Variants in EPM2A observed in about 807,000 individuals in gnomAD.
The protein encoded by EPM2A is laforin.
A neutral mutation model predicts 26.5 loss-of-function variants in EPM2A; 21 were observed. The ratio of observed to expected loss-of-function variants is 0.79; its 90% CI spans 0.56 to 1.14. The LOEUF is 1.14. EPM2A is among the 50% of genes most tolerant of loss of function. The pLI, the probability that EPM2A is intolerant of heterozygous loss-of-function variation, is 0.00. For synonymous variants in EPM2A, 217 were observed against 177.6 expected (o/e 1.22, Z -1.76); for missense variants, 458 against 440.8 (o/e 1.04, Z -0.35).
chr6:145,635,188 A>G, intron 3 of EPM2A, 57 bp downstream of exon 3: 6 of 1,603,784 alleles, frequency 3.7e-6, no homozygotes, highest in Non-Finnish European at 5.1e-6. Context: ...ATAGACAGAC[A>G]GACAGCAAGG....
intron 1 of EPM2A, among the ~76,000 whole-genome samples, chr6:145,699,581 CAA>C (rs1463898543): frequency 1.3e-5 from 2 of 152,096 alleles, no homozygotes; most frequent in African/African-American, 4.8e-5. Context: ...AGACACATGA[CAA>C]AGAGTACAAG....
intron 2 of EPM2A, among the ~76,000 whole-genome samples, chr6:145,584,615 G>C (rs1348112165): frequency 6.6e-6 from 1 of 152,136 alleles, no homozygotes; most frequent in Non-Finnish European, 1.5e-5. Context: ...AAGTGTCCCT[G>C]GGGGTCATGG....
At position 145,701,364 on chromosome 6, in the gene EPM2A, G is replaced by A. The variant is rs139123591; in HGVS notation, c.302-15068C>T. Among the ~76,000 whole-genome samples the A allele has an allele frequency of 2.9e-3, 434 of 152,278 alleles. 5 individuals are homozygous for A. The highest frequency in any genetic ancestry group is 9.8e-3 in the African/African-American group (409 of 41,546). On this transcript the variant is annotated intron_variant, in intron 1 of 3. Transcript: ENST00000367519. The stretch of plus-strand genomic sequence containing the variant: ...GATCTTCCTAAATGTCTGCTTTGCC[G>A]TCCTTCACATGCTGACTTTTGTCAA...
chr6:145,626,062 A>G lies in EPM2A; in HGVS notation c.*1354T>C, dbSNP rs570797209. On this transcript the variant is annotated 3_prime_UTR_variant, in exon 4 of 4. Coordinates refer to ENST00000367519, the MANE Select transcript of EPM2A (RefSeq NM_005670.4). Reference sequence around the variant, plus strand: ...GAGATAATGAGACCTTCTTCATTGGATATTGTGAAGATTAAACTGGATATG... The same window carrying G: ...GAGATAATGAGACCTTCTTCATTGGGTATTGTGAAGATTAAACTGGATATG... The G allele has an allele frequency of 3.8e-5, 44 of 1,146,820 alleles. No individual in the cohort carries two copies. In the African/African-American group the frequency reaches 6.4e-4, roughly 17 times the overall value. 71.0% of individuals were successfully genotyped at this position (1,146,820 alleles called of 1,614,324 possible).
intron 2 of EPM2A, among the ~76,000 whole-genome samples, chr6:145,611,477 A>G (rs1775390355): frequency 6.6e-6 from 1 of 152,038 alleles, no homozygotes; most frequent in Admixed American, 6.6e-5. Context: ...ATAATATTCA[A>G]AAATTTCCTG....
intron 4 of EPM2A, among the ~76,000 whole-genome samples, chr6:145,425,880 T>C (rs1343109659): frequency 2.0e-5 from 3 of 152,164 alleles, no homozygotes; most frequent in Non-Finnish European, 4.4e-5. Flanking sequence ...GTATTACTAT[T>C]AGATACTTTC....
chr6:145,705,555 A>T (rs973304897), intron 1 of EPM2A: 1 of 456,384 alleles, frequency 2.2e-6, no homozygotes, highest in Non-Finnish European at 4.4e-6. Context: ...ACCCTGTCTC[A>T]AAACAAACAA....
chr6:145,570,020 A>G (rs960753008), intron 2 of EPM2A, among the ~76,000 whole-genome samples: 1 of 152,126 alleles, frequency 6.6e-6, no homozygotes, highest in Non-Finnish European at 1.5e-5. Flanking sequence ...CACCGGAGAA[A>G]GATGTAGGCT....
At chr6:145,437,401 C>T (rs1003980762) in intron 4 of EPM2A, among the ~76,000 whole-genome samples, 4 of 152,046 alleles carry the variant, frequency 2.6e-5, no homozygotes, top group East Asian at 1.9e-4. Flanking sequence ...TTGTTTATAG[C>T]GGTGTAAGAA....
chr6:145,711,672 G>A (rs946459931), intron 1 of EPM2A, among the ~76,000 whole-genome samples: 1 of 152,160 alleles, frequency 6.6e-6, no homozygotes, highest in African/African-American at 2.4e-5. Flanking sequence ...TAGTATTAGA[G>A]TTGGCAAAGG....
chr6:145,505,349 A>T (rs892456535), intron 2 of EPM2A, among the ~76,000 whole-genome samples: 3 of 152,116 alleles, frequency 2.0e-5, no homozygotes, highest in Middle Eastern at 3.4e-3. Context: ...AACAGTTAAC[A>T]TTTTCATATA....
At chr6:145,641,815 G>A (rs1040587208) in intron 2 of EPM2A, among the ~76,000 whole-genome samples, 31 of 152,064 alleles carry the variant, frequency 2.0e-4, no homozygotes, top group Non-Finnish European at 3.8e-4. Context: ...ACCAGACTCC[G>A]ACTAAAATGA....
chr6:145,386,844 A>AT (rs1322037604), intron 4 of EPM2A, among the ~76,000 whole-genome samples: 2 of 152,148 alleles, frequency 1.3e-5, no homozygotes, highest in Non-Finnish European at 2.9e-5. Flanking sequence ...AATCAGTGGG[A>AT]TTTTTCGTTC....
chr6:145,677,317 G>A (rs1238122057), intron 2 of EPM2A, among the ~76,000 whole-genome samples: 1 of 152,164 alleles, frequency 6.6e-6, no homozygotes, highest in Non-Finnish European at 1.5e-5. Context: ...CAAACCCACA[G>A]CCAATATTAT....
intron 4 of EPM2A, among the ~76,000 whole-genome samples, chr6:145,390,569 C>CTCTCTCTCTCTCTT (rs1042142793): frequency 5.3e-5 from 8 of 151,938 alleles, no homozygotes; most frequent in South Asian, 4.2e-4. Context: ...CACATTCTCT[C>CTCTCTCTCTCTCTT]TCTCTCTCTC....
At position 145,556,018 on chromosome 6, in the gene EPM2A, C is replaced by G. The variant is rs190433243; in HGVS notation, c.341-53443G>C. On this transcript the variant is annotated intron_variant, in intron 2 of 3. Transcript: ENST00000450221. Reference sequence around the variant, plus strand: ...TTGCTGTTATAGCATTTTATGCATACATAATCTATCTCCAGATTCCATTAT... The same window carrying G: ...TTGCTGTTATAGCATTTTATGCATAGATAATCTATCTCCAGATTCCATTAT... Among the ~76,000 whole-genome samples, 236 of 152,276 alleles carry G rather than the reference C, an allele frequency of 1.5e-3. 6 individuals are homozygous for G. The highest frequency in any genetic ancestry group is 7.7e-4 in the East Asian group (4 of 5,170).
chr6:145,515,566 G>A (rs1415921280), intron 2 of EPM2A, among the ~76,000 whole-genome samples: 1 of 152,180 alleles, frequency 6.6e-6, no homozygotes, highest in Non-Finnish European at 1.5e-5. Flanking sequence ...CATGGTAGAA[G>A]GAGTGAAGTG....
chr6:145,611,648 G>A (rs542840401), intron 2 of EPM2A, among the ~76,000 whole-genome samples: 3 of 152,164 alleles, frequency 2.0e-5, no homozygotes, highest in Admixed American at 2.0e-4. Flanking sequence ...TTCTCTGGAA[G>A]AGAGAAACCC....
At chr6:145,735,121 C>G in intron 1 of EPM2A, 77 bp downstream of exon 1, 1 of 1,173,696 alleles carries the variant, frequency 8.5e-7, no homozygotes, top group Non-Finnish European at 1.2e-6. Context: ...CGGGGCCTGC[C>G]CGAGGCCGAG....
Sources: allele counts gnomAD v4.1 joint callset (sites outside exome capture counted in the v4.1 genomes callset), GRCh38; gene constraint gnomAD v4.1.1; transcripts MANE v1.5; gene names NCBI Gene and HGNC (gene_info 2026-07-23, HGNC 2026-07-21).